SPATA31F1: variants seen among roughly 807,000 people sequenced by gnomAD.
SPATA31F1 encodes protein SPATA31F1.
chr9:34,723,180 G>C, the SPATA31F1 span: 2 of 1,514,742 alleles, frequency 1.3e-6, no homozygotes, highest in African/African-American at 2.8e-5. Context: ...TCATGGCTCT[G>C]CATGTTCTCC....
At chr9:34,724,768 A>T in the SPATA31F1 span, 2 of 1,551,778 alleles carry the variant, frequency 1.3e-6, no homozygotes, top group Non-Finnish European at 1.7e-6. Flanking sequence ...TCTGAATCAG[A>T]GGCTCTGCTG....
At chr9:34,727,601 C>T in the SPATA31F1 span, among the ~76,000 whole-genome samples, 1 of 152,206 alleles carries the variant, frequency 6.6e-6, no homozygotes, top group Non-Finnish European at 1.5e-5. Context: ...GTCATGTCAG[C>T]AGAGTCTAGC....
At chr9:34,725,014 C>T in the SPATA31F1 span, 11 of 1,551,890 alleles carry the variant, frequency 7.1e-6, no homozygotes, top group East Asian at 7.3e-5. Context: ...GATCAAGGGC[C>T]GTTGGCATCC....
the SPATA31F1 span, chr9:34,726,762 T>C: frequency 6.4e-7 from 1 of 1,551,684 alleles, no homozygotes; most frequent in East Asian, 2.4e-5. Context: ...AGCTCTCTGG[T>C]GTGCCAGGAA....
chr9:34,723,273 G>T, the SPATA31F1 span: 2 of 1,551,756 alleles, frequency 1.3e-6, no homozygotes, highest in South Asian at 2.4e-5. Context: ...GCCTCTCGAG[G>T]ACAGTGACGA....
the SPATA31F1 span, chr9:34,724,419 G>T: frequency 9.7e-6 from 15 of 1,550,766 alleles, no homozygotes; most frequent in Non-Finnish European, 1.3e-5. Flanking sequence ...AGTTCCTGGA[G>T]CAATGTCTCC....
chr9:34,727,007 C>A, the SPATA31F1 span: 5 of 1,539,454 alleles, frequency 3.2e-6, no homozygotes, highest in African/African-American at 5.5e-5. Context: ...GGAAACACGG[C>A]AAAATTAACG....
the SPATA31F1 span, chr9:34,723,351 C>T: frequency 2.3e-5 from 36 of 1,551,646 alleles, 1 homozygote; most frequent in South Asian, 1.8e-4. Context: ...CGGAGCTTAT[C>T]GTCTAGGGAT....
chr9:34,728,606 T>C, the SPATA31F1 span: 1 of 1,550,368 alleles, frequency 6.5e-7, no homozygotes, highest in Non-Finnish European at 8.7e-7. Context: ...ATTGGGACTT[T>C]ACCTGTTGAT....
At chr9:34,726,045 A>C in the SPATA31F1 span, 1 of 1,524,428 alleles carries the variant, frequency 6.6e-7, no homozygotes, top group Admixed American at 2.0e-5. Context: ...GGAGAGGGCA[A>C]GGCTAGAGCC....
the SPATA31F1 span, chr9:34,729,304 G>T: frequency 3.2e-6 from 5 of 1,552,014 alleles, no homozygotes; most frequent in African/African-American, 5.5e-5. Flanking sequence ...CTCCTTTTAG[G>T]TTCTGAACTC....
At chr9:34,727,021 G>A in the SPATA31F1 span, 7 of 1,533,072 alleles carry the variant, frequency 4.6e-6, no homozygotes, top group Non-Finnish European at 6.2e-6. Context: ...ATTAACGATG[G>A]AGTGACATCT....
the SPATA31F1 span, chr9:34,729,304 G>A: frequency 6.4e-7 from 1 of 1,552,132 alleles, no homozygotes; most frequent in Non-Finnish European, 8.7e-7. Flanking sequence ...CTCCTTTTAG[G>A]TTCTGAACTC....
At chr9:34,724,479 G>A in the SPATA31F1 span, 9 of 1,551,764 alleles carry the variant, frequency 5.8e-6, no homozygotes, top group Non-Finnish European at 6.1e-6. Flanking sequence ...ATGTTCTCTG[G>A]TGCTGCAACA....
At chr9:34,726,191 T>G in the SPATA31F1 span, 4 of 1,260,432 alleles carry the variant, frequency 3.2e-6, no homozygotes, top group African/African-American at 4.5e-5. Context: ...CTCAAATCTA[T>G]GAAGAGAGAC....
the SPATA31F1 span, chr9:34,726,761 G>A: frequency 6.4e-7 from 1 of 1,551,672 alleles, no homozygotes; most frequent in Non-Finnish European, 8.7e-7. Flanking sequence ...AAGCTCTCTG[G>A]TGTGCCAGGA....
the SPATA31F1 span, chr9:34,725,044 C>A: frequency 2.6e-6 from 4 of 1,551,824 alleles, no homozygotes; most frequent in African/African-American, 5.5e-5. Context: ...CTTTGTGATG[C>A]AGGTCCGGGT....
the SPATA31F1 span, chr9:34,726,209 G>A: frequency 7.5e-7 from 1 of 1,333,800 alleles, no homozygotes; most frequent in Non-Finnish European, 1.0e-6. Flanking sequence ...GACCTGAGGA[G>A]TATTCTTCAG....
chr9:34,724,237 G>A, the SPATA31F1 span: 4 of 1,551,524 alleles, frequency 2.6e-6, no homozygotes, highest in East Asian at 2.4e-5. Flanking sequence ...CCTCTGTCAT[G>A]TCCCCACTGG....
Sources: allele counts gnomAD v4.1 joint callset (sites outside exome capture counted in the v4.1 genomes callset), GRCh38; gene constraint gnomAD v4.1.1; transcripts MANE v1.5; gene names NCBI Gene and HGNC (gene_info 2026-07-23, HGNC 2026-07-21).